Variants in FIBP observed in about 807,000 individuals in gnomAD.
FIBP encodes acidic fibroblast growth factor intracellular-binding protein.
FIBP carries 29 observed loss-of-function variants against 40.5 expected under a neutral mutation model. The observed-to-expected ratio is 0.72, with a 90% confidence interval of 0.53 to 0.98. FIBP has a LOEUF of 0.98. Among genes scored for constraint, FIBP ranks in the 50% least tolerant of loss-of-function variants. The probability of loss-of-function intolerance (pLI) is 0.00; values close to 1 mark genes in which losing one functional copy is unlikely to be tolerated. For missense variants in FIBP, 411 were observed against 470.2 expected (o/e 0.87, Z 1.16); for synonymous variants, 215 against 191.1 (o/e 1.13, Z -1.03).
chr11:65,887,039 T>A, intron 3 of FIBP: 1 of 217,950 alleles, frequency 4.6e-6, no homozygotes, highest in Non-Finnish European at 9.3e-6. Context: ...AGCCAAGGAG[T>A]GCAGCTGCTA....
Position 65,883,741 on chromosome 11 carries a change from G to A in FIBP, c.*233C>T. 1 of 915,704 alleles carries A rather than the reference G, an allele frequency of 1.1e-6. No individual in the cohort carries two copies. The highest frequency in any genetic ancestry group is 1.7e-6 in the Non-Finnish European group (1 of 588,720). The allele number at this position is 915,704 out of a possible 1,614,324, so 56.7% of individuals were successfully genotyped here. ...CTGAATAAACCAAGACAAGACCTCT[G>A]GCTTGTGAGCAGACTCTTCTGGTGG... is the stretch of plus-strand genomic sequence containing the variant. On this transcript the variant is annotated 3_prime_UTR_variant, in exon 10 of 10. Transcript: ENST00000357519.
chr11:65,888,434 C>T lies in FIBP; in HGVS notation c.-16G>A, dbSNP rs955364883. On this transcript the variant is annotated 5_prime_UTR_variant, in exon 1 of 10. Transcript: ENST00000357519. ...CACTGGTCATGGCGACGCCCGGGGC[C>T]GCAGCGCCCCGAGCAGGAGCGAGCA... 1 of 1,552,820 alleles carries T rather than the reference C, an allele frequency of 6.4e-7. No homozygotes were observed. Among genetic ancestry groups the T allele is most frequent in the Non-Finnish European group, 8.7e-7 (1 of 1,147,124 alleles).
At chr11:65,886,245 G>A (rs1443584968) in intron 4 of FIBP, 77 bp downstream of exon 4, 9 of 926,338 alleles carry the variant, frequency 9.7e-6, no homozygotes, top group Non-Finnish European at 1.4e-5. Context: ...AGGTCAGAAG[G>A]TTTGGGGTAG....
chr11:65,883,751 C>A lies in FIBP; in HGVS notation c.*223G>T. The A allele has an allele frequency of 2.3e-6, 2 of 851,874 alleles. No homozygotes were observed. The highest frequency in any genetic ancestry group is 3.7e-6 in the Non-Finnish European group (2 of 535,732). The allele number at this position is 851,874 out of a possible 1,614,324, so 52.8% of individuals were successfully genotyped here. On this transcript the variant is annotated 3_prime_UTR_variant, in exon 10 of 10. Coordinates refer to ENST00000357519, the MANE Select transcript of FIBP (RefSeq NM_004214.5). ...CAAGACAAGACCTCTGGCTTGTGAG[C>A]AGACTCTTCTGGTGGATGGGCTGAG... is the stretch of plus-strand genomic sequence containing the variant.
rs1368168526 is a variant in FIBP at position 65,888,025 on chromosome 11, T to C, written c.193A>G (p.Met65Val). Residue 65 changes from methionine to valine, a missense_variant, in exon 2 of 10, where the codon ATG becomes GTG. By Grantham distance (21) the Met-to-Val change is conservative (BLOSUM62 1). Coordinates refer to ENST00000357519, the MANE Select transcript of FIBP (RefSeq NM_004214.5). ...GGCGCATGCAGCAGCCGCTCGAGCA[T>C]GTGGAAGGTGCGGTAATGGTCCATG... ...DTMDHYRTFH[M>V]LERLLHAPPK... 5 of 1,612,824 alleles carry C rather than the reference T, an allele frequency of 3.1e-6. No individual in the cohort carries two copies. Among genetic ancestry groups the C allele is most frequent in the African/African-American group, 2.7e-5 (2 of 74,912 alleles).
chr11:65,887,239 A>C, intron 3 of FIBP: 2 of 357,894 alleles, frequency 5.6e-6, no homozygotes, highest in Non-Finnish European at 1.1e-5. Context: ...TGAGGCCAGG[A>C]GTTCAAGACA....
Position 65,888,374 on chromosome 11 carries a change from G to T in FIBP, c.45C>A (p.Ile15=), listed in dbSNP as rs980783630. 6.4e-7 allele frequency: 1 copy of T among 1,564,516 alleles called. No individual in the cohort carries two copies. Among genetic ancestry groups the T allele is most frequent in the African/African-American group, 1.4e-5 (1 of 73,796 alleles). Reference sequence around the variant, plus strand: ...GCCAGAGGCGATACACGTCCTCGTCGATAAGGGTCGTGTTCCCCACGAAGA... The same window carrying T: ...GCCAGAGGCGATACACGTCCTCGTCTATAAGGGTCGTGTTCCCCACGAAGA... ...LDIFVGNTTL[I]DEDVYRLWLD... is the part of the protein sequence containing the mutation. Residue 15 remains isoleucine, a synonymous_variant, in exon 1 of 10, where the codon ATC becomes ATA. Transcript: ENST00000357519.
intron 4 of FIBP, chr11:65,886,117 G>C (rs1014760712): frequency 3.9e-6 from 2 of 517,602 alleles, no homozygotes; most frequent in South Asian, 2.3e-5. Flanking sequence ...AGTGAGCCAA[G>C]ATTGCACCAT....
intron 7 of FIBP, 132 bp downstream of exon 7, chr11:65,884,803 C>T (rs1331600443): frequency 2.3e-5 from 31 of 1,332,122 alleles, no homozygotes; most frequent in East Asian, 1.2e-4. Flanking sequence ...GAGCTGCTCC[C>T]GTCAGCGGCC....
At chr11:65,887,350 G>A in intron 3 of FIBP, 1 of 510,296 alleles carries the variant, frequency 2.0e-6, no homozygotes, top group Non-Finnish European at 3.5e-6. Flanking sequence ...AGAGGCTGAG[G>A]CACAAGAATT....
chr11:65,883,931 G>A lies in FIBP; in HGVS notation c.*43C>T, dbSNP rs3177096. ...GAGCGAGGACCAGTCTCCAAACTCA[G>A]AGCAACTTTATTGTCAGCGTGGGCG... On this transcript the variant is annotated 3_prime_UTR_variant, in exon 10 of 10. Transcript: ENST00000357519. The A allele has an allele frequency of 1.3e-6, 2 of 1,587,864 alleles. No homozygotes were observed. Among genetic ancestry groups the A allele is most frequent in the African/African-American group, 1.3e-5 (1 of 74,592 alleles).
At position 65,884,992 on chromosome 11, in the gene FIBP, C is replaced by T. The variant is rs1193363761; in HGVS notation, c.762G>A (p.Val254=). The stretch of plus-strand genomic sequence containing the variant: ...CCAGCTTTCCCCGGAGAGCAGTGCA[C>T]ACCAGGCTGCAGAGAGACAGGGTCA... ...KDLLDLHKSL[V]CTALRGKLGV... is the part of the protein sequence containing the mutation. Residue 254 remains valine (V), a synonymous_variant, in exon 7 of 10, where the codon GTG becomes GTA. Coordinates refer to ENST00000357519, the MANE Select transcript of FIBP (RefSeq NM_004214.5). The T allele has an allele frequency of 6.2e-7, 1 of 1,614,204 alleles. No homozygotes were observed. The highest frequency in any genetic ancestry group is 1.7e-5 in the Admixed American group (1 of 60,020).
At position 65,884,421 on chromosome 11, in the gene FIBP, T is replaced by C. The variant is rs1484521848; in HGVS notation, c.975A>G (p.Ser325=). Reference sequence around the variant, plus strand: ...AGCCATCGAGGGAGTGGACAGACGCTGAATACTGATTCAGGAAGAACCGCA... The same window carrying C: ...AGCCATCGAGGGAGTGGACAGACGCCGAATACTGATTCAGGAAGAACCGCA... The part of the protein sequence containing the change: ...SDVRFFLNQY[S]ASVHSLDGFR... The change falls in exon 9 of 10, where the codon TCA becomes TCG. Residue 325 remains serine, a synonymous_variant. Coordinates refer to ENST00000357519, the MANE Select transcript of FIBP (RefSeq NM_004214.5). 1.2e-6 allele frequency: 2 copies of C among 1,614,128 alleles called. No homozygotes were observed. Among genetic ancestry groups the C allele is most frequent in the East Asian group, 2.2e-5 (1 of 44,878 alleles).
intron 3 of FIBP, 139 bp from the exon 4 acceptor site, chr11:65,886,561 C>T (rs1860243593): frequency 1.6e-6 from 1 of 638,130 alleles, no homozygotes; most frequent in Middle Eastern, 2.8e-4. Context: ...ATTTGTTATT[C>T]CTTCAACCAA....
In FIBP at chr11:65,887,720, A is replaced by C; in HGVS notation, c.291T>G (p.Tyr97Ter). 6.2e-7 allele frequency: 1 copy of C among 1,614,184 alleles called. No homozygotes were observed. ...SRQALLIERY[Y>*]AFDEAFVREV... Reference sequence around the variant, plus strand: ...CCCGAACAAAGGCCTCATCAAAGGCATAGTACCTTGTGGAGTCAGAGAACA... The same window carrying C: ...CCCGAACAAAGGCCTCATCAAAGGCCTAGTACCTTGTGGAGTCAGAGAACA... Residue 97 changes from tyrosine to a stop codon, truncating the protein, a stop_gained, in exon 3 of 10, where the codon TAT becomes TAG. Transcript: ENST00000357519. LOFTEE classifies it high-confidence loss of function.
At chr11:65,885,213 T>C in intron 5 of FIBP, 27 bp from the exon 6 acceptor site, 1 of 386,424 alleles carries the variant, frequency 2.6e-6, no homozygotes, top group Non-Finnish European at 5.1e-6. Context: ...GGGGTGGGGG[T>C]GGGTGATAAA....
intron 2 of FIBP, 30 bp downstream of exon 2, chr11:65,887,904 G>A (rs768872676): frequency 3.1e-6 from 5 of 1,607,288 alleles, no homozygotes; most frequent in Non-Finnish European, 4.3e-6. Context: ...CAGACTGGTT[G>A]ATGTCTCCAC....
At chr11:65,886,845 G>A (rs1350306331) in intron 3 of FIBP, 7 of 164,110 alleles carry the variant, frequency 4.3e-5, no homozygotes, top group South Asian at 1.5e-4. Context: ...TCTTCCTGGC[G>A]TACCAAAAAG....
intron 4 of FIBP, chr11:65,886,098 A>G (rs561772849): frequency 7.1e-4 from 355 of 500,930 alleles, no homozygotes; most frequent in Non-Finnish European, 1.2e-3. Context: ...ACCAGGAGGC[A>G]GAGGTTGCAG....
Sources: gnomAD v4.1 joint callset for allele counts on GRCh38, gnomAD v4.1.1 for gene constraint, MANE v1.5 for transcripts, NCBI Gene and HGNC (gene_info 2026-07-23, HGNC 2026-07-21) for gene names.